The following NUDT22 variants were observed in gnomAD, a reference collection of about 807,000 sequenced individuals.
NUDT22 encodes nudix hydrolase 22, also known as uridine diphosphate glucose pyrophosphatase NUDT22.
A neutral mutation model predicts 28.8 loss-of-function variants in NUDT22; 23 were observed. The observed-to-expected ratio is 0.80, with a 90% CI of 0.58 to 1.13. NUDT22 has a LOEUF of 1.13. NUDT22 is among the 50% of genes most tolerant of loss of function. The pLI, the probability that NUDT22 is intolerant of heterozygous loss-of-function variation, is 0.00. For synonymous variants in NUDT22, 175 were observed against 173.7 expected (o/e 1.01, Z -0.06); for missense variants, 358 against 387.3 (o/e 0.92, Z 0.64).
intron 1 of NUDT22, 35 bp downstream of exon 1, chr11:64,226,462 G>T: frequency 7.1e-7 from 1 of 1,408,876 alleles, no homozygotes; most frequent in Non-Finnish European, 9.2e-7. Context: ...TACCCTGCGG[G>T]ACTCGGGGCT....
intron 3 of NUDT22, among the ~76,000 whole-genome samples, chr11:64,228,172 G>A (rs2134986415): frequency 7.1e-6 from 1 of 141,734 alleles, no homozygotes; most frequent in East Asian, 2.2e-4. Context: ...CACCAGGCCG[G>A]ATTCTTCTTC....
chr11:64,226,262 CG>C (rs1217319736), upstream of NUDT22: 4 of 551,150 alleles, frequency 7.3e-6, no homozygotes, highest in South Asian at 2.2e-4. Context: ...ACTTCCGCTT[CG>C]GGGAAGGGGC....
At chr11:64,228,289 T>C (rs2134987699) in intron 3 of NUDT22, among the ~76,000 whole-genome samples, 1 of 151,938 alleles carries the variant, frequency 6.6e-6, no homozygotes, top group East Asian at 1.9e-4. Flanking sequence ...TTCAAGTGAT[T>C]CTCATGCCTT....
Position 64,227,024 on chromosome 11 carries a change from C to A in NUDT22, c.372C>A (p.Gly124=). ...QAYLADPLGV[G]AALATADDFL... ...ATCTGGCGGACCCACTGGGGGTGGG[C>A]GCTGCACTAGCCACAGCCGATGACT... Residue 124 remains glycine (G), a synonymous_variant, in exon 2 of 6, where the codon GGC becomes GGA. Coordinates refer to ENST00000279206, the MANE Select transcript of NUDT22 (RefSeq NM_032344.4). The A allele has an allele frequency of 6.2e-7, 1 of 1,602,462 alleles. No individual in the cohort carries two copies. The highest frequency in any genetic ancestry group is 2.2e-5 in the East Asian group (1 of 44,834).
chr11:64,230,184 G>A (rs1458754767), downstream of NUDT22: 1 of 737,844 alleles, frequency 1.4e-6, no homozygotes, highest in Non-Finnish European at 2.4e-6. Flanking sequence ...TGGCTCCAGA[G>A]AGGCTCCGGG....
At chr11:64,227,828 C>T (rs1466648754) in intron 3 of NUDT22, 162 bp downstream of exon 3, 13 of 614,386 alleles carry the variant, frequency 2.1e-5, no homozygotes, top group Non-Finnish European at 3.5e-5. Context: ...GGAATTCTAG[C>T]CCTCAGTACC....
chr11:64,229,236 C>T lies in NUDT22; in HGVS notation c.580-11C>T. 1 of 1,556,012 alleles carries T rather than the reference C, an allele frequency of 6.4e-7. No individual in the cohort carries two copies. Among genetic ancestry groups the T allele is most frequent in the Non-Finnish European group, 8.7e-7 (1 of 1,149,412 alleles). Reference sequence around the variant, plus strand: ...AGGTGGGACCTCCCCCCACCCCACCCTCCACCGCAGGTGAACCTGCCGCTG... The same window carrying T: ...AGGTGGGACCTCCCCCCACCCCACCTTCCACCGCAGGTGAACCTGCCGCTG... On this transcript the variant is annotated splice_polypyrimidine_tract_variant and intron_variant, in intron 3 of 5. Transcript: ENST00000279206.
chr11:64,229,466 G>A lies in NUDT22; in HGVS notation c.678-12G>A, dbSNP rs1263200295. ...TGGTCACCCACTAAGCCACCCTTGT[G>A]TTCTTGTCCAGGTGCAGCCTGACTT... is the stretch of plus-strand genomic sequence containing the variant. On this transcript the variant is annotated splice_polypyrimidine_tract_variant and intron_variant, in intron 4 of 5. Coordinates refer to ENST00000279206, the MANE Select transcript of NUDT22 (RefSeq NM_032344.4). 1 of 1,614,066 alleles carries A rather than the reference G, an allele frequency of 6.2e-7. No individual in the cohort carries two copies. Among genetic ancestry groups the A allele is most frequent in the African/African-American group, 1.3e-5 (1 of 75,074 alleles).
At chr11:64,228,494 C>T (rs1313055494) in intron 3 of NUDT22, 1 of 152,016 alleles carries the variant, frequency 6.6e-6, no homozygotes, top group African/African-American at 2.4e-5. Context: ...GAAACCCTGA[C>T]TTTACTAAAA....
downstream of NUDT22, chr11:64,230,237 C>T (rs1388766286): frequency 1.5e-6 from 1 of 656,998 alleles, no homozygotes; most frequent in African/African-American, 1.8e-5. Flanking sequence ...CAGAGGGGAG[C>T]AACAGCGGAA....
In NUDT22 at chr11:64,229,306, G is replaced by C; in HGVS notation, c.639G>C (p.Glu213Asp). 6.2e-7 allele frequency: 1 copy of C among 1,605,672 alleles called. No homozygotes were observed. The highest frequency in any genetic ancestry group is 8.5e-7 in the Non-Finnish European group (1 of 1,176,038). ...TGCTGTTGGGCATCGCCCGAAATGAGACCAGTGCTGGCCGAGCCAGTGCCG... is the reference window on the plus strand; with the variant it reads ...TGCTGTTGGGCATCGCCCGAAATGACACCAGTGCTGGCCGAGCCAGTGCCG... Reference protein sequence around the residue: ...QPLLLGIARNETSAGRASAEF... With the variant: ...QPLLLGIARNDTSAGRASAEF... The change falls in exon 4 of 6, where the codon GAG becomes GAC. Residue 213 changes from glutamate to aspartate, a missense_variant. By Grantham distance (45) the Glu-to-Asp change is conservative. Transcript: ENST00000279206.
rs1304987982 is a variant in NUDT22, at chr11:64,227,957, C to T, written c.579+291C>T. On this transcript the variant is annotated intron_variant, in intron 3 of 5. Transcript: ENST00000279206. ...CGATCTCTGCTCACTGCAAGCTCCA[C>T]CTCCCGGGTTCACGCCATTCTCCTA... 7.4e-5 allele frequency: 24 copies of T among 325,198 alleles called. No homozygotes were observed. In the Admixed American group the frequency reaches 1.1e-3, roughly 15 times the overall value. The allele number at this position is 325,198 out of a possible 1,614,324, so 20.1% of individuals were successfully genotyped here. A position where few individuals can be genotyped will look rare whatever the true frequency, so the allele number is the denominator to read the frequency against.
rs762591028 is a variant in NUDT22, at chr11:64,227,068, G to A, written c.416G>A (p.Arg139His). 6.2e-6 allele frequency: 10 copies of A among 1,600,988 alleles called. No individual in the cohort carries two copies. The highest frequency in any genetic ancestry group is 7.6e-6 in the Non-Finnish European group (9 of 1,178,020). The change falls in exon 2 of 6, where the codon CGC (arginine) becomes CAC (histidine). Residue 139 changes from arginine to histidine, a missense_variant. Physicochemically the swap from Arg to His is conservative, Grantham distance 29. Transcript: ENST00000279206. ...GATGACTTCCTTGTCTTCCTGCGCC[G>A]CTCCCGGCAGGTGGCTGAGGCCCCT... ...TADDFLVFLRRSRQVAEAPGL... is the reference protein window; with the variant it reads ...TADDFLVFLRHSRQVAEAPGL...
rs549794070 is a variant in NUDT22 at position 64,228,962 on chromosome 11, A to T, written c.580-285A>T. The T allele has an allele frequency of 5.3e-4, 194 of 368,902 alleles. 1 individual carries two copies. The highest frequency in any genetic ancestry group is 8.2e-4 in the Non-Finnish European group (163 of 199,590). The allele number at this position is 368,902 out of a possible 1,614,324, so 22.9% of individuals were successfully genotyped here. On this transcript the variant is annotated intron_variant, in intron 3 of 5. Transcript: ENST00000279206. ...ACTCCAGCCTGGGCGACAGAGCGAG[A>T]CTCCATCTCAAAAAAAGAAAAAAAG...
At chr11:64,229,157 G>A in intron 3 of NUDT22, 90 bp from the exon 4 acceptor site, 1 of 804,918 alleles carries the variant, frequency 1.2e-6, no homozygotes, top group Non-Finnish European at 2.0e-6. Flanking sequence ...GCTGTACACA[G>A]GTAACAGGCG....
At chr11:64,227,814 G>T in intron 3 of NUDT22, 148 bp downstream of exon 3, 1 of 635,488 alleles carries the variant, frequency 1.6e-6, no homozygotes, top group Non-Finnish European at 2.8e-6. Flanking sequence ...TACATACTTG[G>T]AGTGGAATTC....
chr11:64,229,009 C>T, intron 3 of NUDT22: 1 of 502,092 alleles, frequency 2.0e-6, no homozygotes, highest in Middle Eastern at 5.2e-4. Flanking sequence ...AGTGGGAGTC[C>T]CAGTCACTAA....
At position 64,227,109 on chromosome 11, in the gene NUDT22, C is replaced by G. The variant is rs200841392; in HGVS notation, c.457C>G (p.Pro153Ala). Reference sequence around the variant, plus strand: ...TGAGGCCCCTGGGCTGGTGGACGTACCTGGTGGGCACCCTGAGCCTCAGGT... The same window carrying G: ...TGAGGCCCCTGGGCTGGTGGACGTAGCTGGTGGGCACCCTGAGCCTCAGGT... ...VAEAPGLVDV[P>A]GGHPEPQALC... is the part of the protein sequence containing the mutation. The change falls in exon 2 of 6, where the codon CCT (proline) becomes GCT (alanine). Residue 153 changes from proline (P) to alanine (A), a missense_variant. Physicochemically the swap from Pro to Ala is conservative, Grantham distance 27. Transcript: ENST00000279206. The G allele has an allele frequency of 1.0e-5, 16 of 1,593,630 alleles. No individual in the cohort carries two copies. The highest frequency in any genetic ancestry group is 2.7e-5 in the African/African-American group (2 of 74,626).
rs1374192402 is a variant in NUDT22, at chr11:64,229,591, C to A, written c.771+20C>A. The stretch of plus-strand genomic sequence containing the variant: ...ACACAGGTGCAGAGTGACAAACCAT[C>A]TTGCTTGGAGGCCAGGGCTGGGGCC... On this transcript the variant is annotated intron_variant, in intron 5 of 5. Transcript: ENST00000279206. The A allele has an allele frequency of 7.5e-6, 12 of 1,609,508 alleles. No individual in the cohort carries two copies. In the East Asian group the frequency reaches 2.7e-4, roughly 36 times the overall value.
Sources: gnomAD v4.1 joint callset for allele counts (sites outside exome capture counted in the v4.1 genomes callset) on GRCh38, gnomAD v4.1.1 for gene constraint, MANE v1.5 for transcripts, NCBI Gene and HGNC (gene_info 2026-07-23, HGNC 2026-07-21) for gene names.